The following RARB variants were observed in gnomAD, a reference collection of about 807,000 sequenced individuals.
RARB encodes the protein retinoic acid receptor beta, also known as HBV-activated protein.
In RARB, 17 loss-of-function variants were observed where a neutral mutation model predicts 51.9. That is an observed-to-expected ratio of 0.33 (90% CI 0.22 to 0.49). The LOEUF (loss-of-function observed/expected upper bound fraction) is 0.49, where lower values mean the gene tolerates loss of function less well. Ranked by LOEUF, RARB falls within the 20% of genes least tolerant of loss-of-function variation. RARB has a pLI of 0.99. For missense variants in RARB, 369 were observed against 550.8 expected (o/e 0.67, Z 3.30); for synonymous variants, 215 against 195.4 (o/e 1.10, Z -0.84).
At chr3:25,033,791 C>T (rs1021793722) in intron 2 of RARB, among the ~76,000 whole-genome samples, 1 of 152,154 alleles carries the variant, frequency 6.6e-6, no homozygotes, top group Admixed American at 6.5e-5. Context: ...TCAGCCTAGG[C>T]AAGTTGGCAC....
chr3:25,324,083 G>C lies in RARB; in HGVS notation c.179-137110G>C, dbSNP rs536025257. Reference sequence around the variant, plus strand: ...ATTTCTAGTCTCGGATGAATTAGAAGATACTGTGTACTATTGAAGAGCAGG... The same window carrying C: ...ATTTCTAGTCTCGGATGAATTAGAACATACTGTGTACTATTGAAGAGCAGG... On this transcript the variant is annotated intron_variant, in intron 5 of 11. Transcript: ENST00000383772. 5 of 152,286 alleles carry C rather than the reference G, an allele frequency of 3.3e-5. No homozygotes were observed. In the East Asian group the frequency reaches 9.7e-4, roughly 29 times the overall value. The allele number at this position is 152,286 out of a possible 1,614,324, so 9.4% of individuals were successfully genotyped here. A position where few individuals can be genotyped will look rare whatever the true frequency, so the allele number is the denominator to read the frequency against.
rs138389529 is a variant in RARB, at chr3:25,163,504, A to AATAT, written c.-279-10584_-279-10581dup. ...TGAGCAGAATAAGACCCTATCTCAA[A>AATAT]ATATATATATATATATATATATATA... On this transcript the variant is annotated intron_variant, in intron 4 of 11. Transcript: ENST00000383772. 7.1e-3 allele frequency among the ~76,000 whole-genome samples: 925 copies of AATAT among 130,970 alleles called. 24 individuals carry two copies. Among genetic ancestry groups the AATAT allele is most frequent in the Middle Eastern group, 0.015 (4 of 266 alleles). The allele number at this position is 130,970 out of a possible 152,430, so 85.9% of individuals were successfully genotyped here.
At chr3:25,057,929 A>G (rs912584831) in intron 2 of RARB, among the ~76,000 whole-genome samples, 1 of 151,990 alleles carries the variant, frequency 6.6e-6, no homozygotes, top group Non-Finnish European at 1.5e-5. Flanking sequence ...TGGTACAAAG[A>G]TATACTTCTG....
chr3:25,249,704 G>A (rs547530367), intron 5 of RARB, among the ~76,000 whole-genome samples: 3 of 111,368 alleles, frequency 2.7e-5, no homozygotes, highest in Non-Finnish European at 4.1e-5. Context: ...TTTTTTTTTG[G>A]CTGTAAACAA....
chr3:24,839,247 A>T (rs1264669526), intron 1 of RARB, among the ~76,000 whole-genome samples: 2 of 152,134 alleles, frequency 1.3e-5, no homozygotes, highest in Non-Finnish European at 2.9e-5. Flanking sequence ...AAATATAAAC[A>T]AAAAATAAGG....
At chr3:25,536,697 T>C (rs191417238) in intron 3 of RARB, among the ~76,000 whole-genome samples, 1 of 152,316 alleles carries the variant, frequency 6.6e-6, no homozygotes, top group African/African-American at 2.4e-5. Flanking sequence ...AAAATGCAGA[T>C]GTGTTGCTGT....
At chr3:25,237,470 A>C (rs1575244258) in intron 5 of RARB, among the ~76,000 whole-genome samples, 1 of 152,234 alleles carries the variant, frequency 6.6e-6, no homozygotes, top group South Asian at 2.1e-4. Flanking sequence ...TATCTTCTAA[A>C]CAGTTTTTTG....
chr3:24,918,873 G>C (rs1695160759), intron 2 of RARB, among the ~76,000 whole-genome samples: 1 of 152,168 alleles, frequency 6.6e-6, no homozygotes, highest in Non-Finnish European at 1.5e-5. Flanking sequence ...CTGGGTGACA[G>C]AGCGAGAGTC....
intron 1 of RARB, among the ~76,000 whole-genome samples, chr3:24,844,221 G>A (rs968155120): frequency 5.3e-5 from 8 of 152,214 alleles, no homozygotes; most frequent in African/African-American, 1.7e-4. Context: ...CTTGCCAGGA[G>A]ATCTGCTGAG....
At chr3:25,570,724 G>A (rs1052700513) in intron 4 of RARB, among the ~76,000 whole-genome samples, 3 of 152,220 alleles carry the variant, frequency 2.0e-5, no homozygotes, top group African/African-American at 7.2e-5. Flanking sequence ...CTTGTGGCAT[G>A]TAATAGACAC....
chr3:25,191,986 T>G (rs1701115214), intron 5 of RARB, among the ~76,000 whole-genome samples: 2 of 152,078 alleles, frequency 1.3e-5, no homozygotes, highest in African/African-American at 4.8e-5. Flanking sequence ...TGACATAATA[T>G]CGAATCACGG....
intron 5 of RARB, among the ~76,000 whole-genome samples, chr3:25,278,969 C>T (rs1411757005): frequency 6.6e-6 from 1 of 152,094 alleles, no homozygotes; most frequent in African/African-American, 2.4e-5. Flanking sequence ...GCATTTAAAC[C>T]CTAAAAGATT....
intron 5 of RARB, among the ~76,000 whole-genome samples, chr3:25,317,085 G>GTATTATAAGTATTATAAGTATTA (rs59448581): frequency 7.9e-5 from 12 of 151,218 alleles, no homozygotes; most frequent in East Asian, 3.9e-4. Context: ...TATAAGTCGT[G>GTATTATAAGTATTATAAGTATTA]TAAAAGAATA....
chr3:25,453,991 A>C (rs1224745834), intron 1 of RARB, among the ~76,000 whole-genome samples: 1 of 152,224 alleles, frequency 6.6e-6, no homozygotes, highest in Non-Finnish European at 1.5e-5. Context: ...GATGCGATTC[A>C]CAGATTTGCA....
At chr3:25,240,071 G>T (rs1016183373) in intron 5 of RARB, among the ~76,000 whole-genome samples, 1 of 148,998 alleles carries the variant, frequency 6.7e-6, no homozygotes, top group South Asian at 2.2e-4. Context: ...TCGCTGTTTT[G>T]GGTTTGTTTG....
At chr3:25,004,482 G>T (rs1697229120) in intron 2 of RARB, among the ~76,000 whole-genome samples, 1 of 152,076 alleles carries the variant, frequency 6.6e-6, no homozygotes, top group African/African-American at 2.4e-5. Flanking sequence ...GCTACAGCAA[G>T]GGCTGAACTT....
At chr3:25,374,302 G>C (rs1483042759) in intron 5 of RARB, among the ~76,000 whole-genome samples, 3 of 152,120 alleles carry the variant, frequency 2.0e-5, no homozygotes, top group Non-Finnish European at 2.9e-5. Context: ...ACAAGTCTCA[G>C]GACCAGTTAT....
intron 3 of RARB, among the ~76,000 whole-genome samples, chr3:25,507,612 T>C (rs1697675643): frequency 6.6e-6 from 1 of 152,178 alleles, no homozygotes; most frequent in African/African-American, 2.4e-5. Context: ...TGAGCAGGTG[T>C]CTTGGGGAGT....
Position 24,906,491 on chromosome 3 carries a change from T to C in RARB, c.-380+47739T>C, listed in dbSNP as rs1374885409. Among the ~76,000 whole-genome samples the C allele has an allele frequency of 4.6e-5, 7 of 152,128 alleles. No homozygotes were observed. In the East Asian group the frequency reaches 1.3e-3, roughly 29 times the overall value. ...TGAGTGTGAATTGGAATACTGCCCTTTATTAGATTTATCATTTTGGGAAGG... is the reference window on the plus strand; with the variant it reads ...TGAGTGTGAATTGGAATACTGCCCTCTATTAGATTTATCATTTTGGGAAGG... On this transcript the variant is annotated intron_variant, in intron 2 of 11. Coordinates refer to the RARB transcript ENST00000383772.
Sources: allele counts gnomAD v4.1 joint callset (sites outside exome capture counted in the v4.1 genomes callset), GRCh38; gene constraint gnomAD v4.1.1; transcripts MANE v1.5; gene names NCBI Gene and HGNC (gene_info 2026-07-23, HGNC 2026-07-21).